YBX1: variants seen among roughly 807,000 people sequenced by gnomAD.
The protein encoded by YBX1 is Y-box-binding protein 1.
YBX1 carries 3 observed loss-of-function variants against 41.4 expected under a neutral mutation model. The observed-to-expected ratio is 0.07, with a 90% CI of 0.03 to 0.19. The LOEUF is 0.19. Ranked by LOEUF, YBX1 falls within the 10% of genes least tolerant of loss-of-function variation. The pLI, the probability that YBX1 is intolerant of heterozygous loss-of-function variation, is 1.00. For synonymous variants in YBX1, 133 were observed against 165.8 expected (o/e 0.80, Z 1.52); for missense variants, 274 against 462.8 (o/e 0.59, Z 3.74).
At chr1:42,701,340 G>C (rs1371551302) in intron 7 of YBX1, among the ~76,000 whole-genome samples, 1 of 152,068 alleles carries the variant, frequency 6.6e-6, no homozygotes, top group Non-Finnish European at 1.5e-5. Context: ...TGAATTTTAT[G>C]ATTTCACTAG....
At chr1:42,686,139 A>G (rs971041734) in intron 2 of YBX1, among the ~76,000 whole-genome samples, 2 of 152,220 alleles carry the variant, frequency 1.3e-5, no homozygotes, top group African/African-American at 4.8e-5. Flanking sequence ...ATTACCATGA[A>G]TTGGCAACAG....
Position 42,697,674 on chromosome 1 carries a change from C to CT in YBX1, c.740+420dup, listed in dbSNP as rs901741214. Reference sequence around the variant, plus strand: ...ACTTCTCAGTTTAGATATGTACCCCCTTTTTTTTGGAGTTGGGAGTTGTCA... The same window carrying CT: ...ACTTCTCAGTTTAGATATGTACCCCCTTTTTTTTTGGAGTTGGGAGTTGTCA... On this transcript the variant is annotated intron_variant, in intron 6 of 7. Transcript: ENST00000321358. 5.9e-5 allele frequency among the ~76,000 whole-genome samples: 9 copies of CT among 151,920 alleles called. No individual in the cohort carries two copies. In the South Asian group the frequency reaches 1.2e-3, roughly 21 times the overall value.
intron 2 of YBX1, among the ~76,000 whole-genome samples, chr1:42,688,570 C>T (rs1343043018): frequency 2.0e-5 from 3 of 152,148 alleles, no homozygotes; most frequent in Non-Finnish European, 4.4e-5. Flanking sequence ...TGCCATGTGA[C>T]GCTAATCATC....
chr1:42,682,434 T>G lies in YBX1; in HGVS notation c.-132T>G. On this transcript the variant is annotated 5_prime_UTR_variant, in exon 1 of 8. Transcript: ENST00000321358. ...TGTCCCGCCATTCTCGCTAGTTCGA[T>G]CGGTAGCGGGAGCGGAGAGCGGACC... The G allele has an allele frequency of 8.8e-7, 1 of 1,130,980 alleles. No individual in the cohort carries two copies. The highest frequency in any genetic ancestry group is 1.1e-6 in the Non-Finnish European group (1 of 875,158). The allele number at this position is 1,130,980 out of a possible 1,614,324, so 70.1% of individuals were successfully genotyped here.
intron 3 of YBX1, among the ~76,000 whole-genome samples, chr1:42,695,727 C>T (rs1650442640): frequency 6.6e-6 from 1 of 152,150 alleles, no homozygotes; most frequent in South Asian, 2.1e-4. Flanking sequence ...TTTTGGTTGA[C>T]ATTTGTAATT....
chr1:42,686,641 C>G (rs558696261), intron 2 of YBX1, among the ~76,000 whole-genome samples: 32 of 152,344 alleles, frequency 2.1e-4, no homozygotes, highest in African/African-American at 5.8e-4. Flanking sequence ...GGGGTGGGGG[C>G]TCCCTTGTGG....
Position 42,696,344 on chromosome 1 carries a change from C to A in YBX1, c.354+56C>A. 1.3e-6 allele frequency: 2 copies of A among 1,566,322 alleles called. No homozygotes were observed. The highest frequency in any genetic ancestry group is 1.1e-5 in the South Asian group (1 of 87,546). ...TTCAGTATGGAAATATTTTGGAGGT[C>A]TCATCCATTAGGATGGTGGCTCTAA... is the stretch of plus-strand genomic sequence containing the variant. On this transcript the variant is annotated intron_variant, in intron 4 of 7. Transcript: ENST00000321358. This position sits in a 1 kb window ranked among gnomAD's most constrained non-coding sequence, Gnocchi z 5.7.
intron 1 of YBX1, chr1:42,683,162 T>TGC: frequency 1.5e-6 from 1 of 651,932 alleles, no homozygotes. Context: ...GTCCGCGGCC[T>TGC]GCGCACACAC....
intron 1 of YBX1, chr1:42,683,187 G>T (rs1226454957): frequency 4.5e-6 from 3 of 663,784 alleles, no homozygotes; most frequent in Non-Finnish European, 8.2e-6. Flanking sequence ...CCTGGGGCCC[G>T]CGCCCCGGGC....
chr1:42,699,157 G>T (rs1341366466), intron 6 of YBX1, among the ~76,000 whole-genome samples: 2 of 152,170 alleles, frequency 1.3e-5, no homozygotes, highest in African/African-American at 4.8e-5. Context: ...TTCTCAGAGA[G>T]GGTAGGGTTT....
intron 1 of YBX1, 121 bp from the exon 2 acceptor site, chr1:42,683,282 G>C: frequency 8.4e-7 from 1 of 1,184,116 alleles, no homozygotes; most frequent in Non-Finnish European, 1.3e-6. Flanking sequence ...GGGCGGTGGA[G>C]AGAAAGGGCT....
intron 2 of YBX1, among the ~76,000 whole-genome samples, chr1:42,688,844 C>T (rs987914178): frequency 6.6e-6 from 1 of 152,204 alleles, no homozygotes; most frequent in African/African-American, 2.4e-5. Flanking sequence ...CAGTACTGTA[C>T]ATGTATTTTC....
chr1:42,683,214 C>T (rs759954947), intron 1 of YBX1, 189 bp from the exon 2 acceptor site: 2 of 724,886 alleles, frequency 2.8e-6, no homozygotes, highest in South Asian at 1.5e-5. Context: ...TGGAGCGCCC[C>T]GCGCTTCAGA....
At chr1:42,690,773 T>G (rs1650310442) in intron 2 of YBX1, among the ~76,000 whole-genome samples, 1 of 152,244 alleles carries the variant, frequency 6.6e-6, no homozygotes, top group South Asian at 2.1e-4. Flanking sequence ...AGACTGGAAA[T>G]TCTAACAGGT....
intron 3 of YBX1, 81 bp downstream of exon 3, chr1:42,693,604 C>A (rs1650392835): frequency 1.3e-6 from 2 of 1,502,890 alleles, no homozygotes; most frequent in African/African-American, 1.4e-5. Context: ...AGCTTTTGTT[C>A]CTTATAAAAG....
intron 2 of YBX1, among the ~76,000 whole-genome samples, chr1:42,689,517 T>C (rs1650278825): frequency 6.6e-6 from 1 of 152,114 alleles, no homozygotes; most frequent in African/African-American, 2.4e-5. Flanking sequence ...AAGGCAATAC[T>C]GTGGATTGGC....
intron 5 of YBX1, 84 bp downstream of exon 5, chr1:42,697,028 A>G: frequency 6.8e-7 from 1 of 1,463,486 alleles, no homozygotes; most frequent in Non-Finnish European, 9.1e-7. Flanking sequence ...AGCAACTTGG[A>G]TTCCTAGTAA....
intron 2 of YBX1, among the ~76,000 whole-genome samples, chr1:42,688,381 C>T (rs781742584): frequency 3.3e-5 from 5 of 152,096 alleles, no homozygotes; most frequent in Non-Finnish European, 7.4e-5. Context: ...TTATTTACTA[C>T]CATAAAATGT....
intron 2 of YBX1, among the ~76,000 whole-genome samples, chr1:42,688,807 G>A (rs1164822115): frequency 6.6e-6 from 1 of 152,202 alleles, no homozygotes; most frequent in Non-Finnish European, 1.5e-5. Context: ...CTTTCAGACA[G>A]ATGTACACTT....
Sources: allele counts gnomAD v4.1 joint callset (sites outside exome capture counted in the v4.1 genomes callset), GRCh38; gene constraint gnomAD v4.1.1; non-coding constraint Gnocchi (gnomAD v3.1); transcripts MANE v1.5; gene names NCBI Gene and HGNC (gene_info 2026-07-23, HGNC 2026-07-21).